DNAH8: variants seen among roughly 807,000 people sequenced by gnomAD.
The protein encoded by DNAH8 is axonemal beta dynein heavy chain 8.
A neutral mutation model predicts 562.1 loss-of-function variants in DNAH8; 382 were observed. The ratio of observed to expected loss-of-function variants is 0.68; its 90% CI spans 0.63 to 0.74. The LOEUF is 0.74. Ranked by LOEUF, DNAH8 falls within the 30% of genes least tolerant of loss-of-function variation. DNAH8 has a pLI of 0.00. For missense variants in DNAH8, 5,203 were observed against 5,620.4 expected (o/e 0.93, Z 2.37); for synonymous variants, 1,881 against 1,919.4 (o/e 0.98, Z 0.52).
chr6:38,925,956 G>A lies in DNAH8; in HGVS notation c.10963-99G>A, dbSNP rs77534826. ...TTGCATAGTCTCAAAGGAAAATAATGTCCACATTTTAAATTATTTTACTTT... is the reference window on the plus strand; with the variant it reads ...TTGCATAGTCTCAAAGGAAAATAATATCCACATTTTAAATTATTTTACTTT... On this transcript the variant is annotated intron_variant, in intron 73 of 92. Transcript: ENST00000327475. 0.063 allele frequency: 71,503 copies of A among 1,143,660 alleles called. 2,497 individuals are homozygous for A. The highest frequency in any genetic ancestry group is 0.11 in the African/African-American group (6,833 of 63,980). The allele number at this position is 1,143,660 out of a possible 1,614,324, so 70.8% of individuals were successfully genotyped here. A position where few individuals can be genotyped will look rare whatever the true frequency, so the allele number is the denominator to read the frequency against.
chr6:38,770,732 C>T (rs1451398977), intron 12 of DNAH8, among the ~76,000 whole-genome samples, 173 bp downstream of exon 12: 4 of 152,046 alleles, frequency 2.6e-5, no homozygotes, highest in African/African-American at 9.7e-5. Context: ...TTTTTTCATT[C>T]CTGGTTACTG....
At chr6:39,025,859 AT>A (rs67415841) in intron 91 of DNAH8, among the ~76,000 whole-genome samples, 82,009 of 151,976 alleles carry the variant, frequency 0.54, 23,910 homozygotes, top group Non-Finnish European at 0.66. Flanking sequence ...AGTTTAGGAT[AT>A]TTTTTTCTAA....
chr6:38,774,949 G>A (rs1209611300), intron 12 of DNAH8, among the ~76,000 whole-genome samples: 1 of 152,196 alleles, frequency 6.6e-6, no homozygotes, highest in Non-Finnish European at 1.5e-5. Context: ...TTTGAAAATA[G>A]TCCTTCTGGG....
chr6:38,718,544 G>C (rs1762512427), intron 1 of DNAH8, among the ~76,000 whole-genome samples: 1 of 152,076 alleles, frequency 6.6e-6, no homozygotes, highest in South Asian at 2.1e-4. Context: ...CTCCAAAATG[G>C]CAGTGGTCAT....
intron 72 of DNAH8, chr6:38,923,590 G>A (rs1244835940): frequency 1.2e-5 from 2 of 169,572 alleles, no homozygotes; most frequent in Non-Finnish European, 2.5e-5. Flanking sequence ...GGGAATGAGA[G>A]AGGAGCAAGA....
chr6:38,914,007 C>T (rs951173101), intron 67 of DNAH8, 55 bp downstream of exon 67: 2 of 1,348,030 alleles, frequency 1.5e-6, no homozygotes, highest in Admixed American at 1.7e-5. Flanking sequence ...TATTAAAATG[C>T]ATTGTTTTAA....
In DNAH8 at chr6:38,848,712, A is replaced by G. The variant is rs1176486677; in HGVS notation, c.5110A>G (p.Ile1704Val). 3.7e-6 allele frequency: 6 copies of G among 1,612,368 alleles called. No homozygotes were observed. In the East Asian group the frequency reaches 6.7e-5, roughly 18 times the overall value. The change falls in exon 37 of 93, where the codon ATA (isoleucine) becomes GTA (valine). Residue 1704 changes from isoleucine to valine, a missense_variant. Ile to Val is a conservative substitution (Grantham distance 29, BLOSUM62 3). Coordinates refer to ENST00000327475, the MANE Select transcript of DNAH8 (RefSeq NM_001206927.2). The stretch of plus-strand genomic sequence containing the variant: ...GTATAAATTGTCCACTTCCTCAGAT[A>G]TAATTGAAGAGTGGCTCGTAGTACA... The part of the protein sequence containing the change: ...WVYKLSTSSD[I>V]IEEWLVVQNL...
At chr6:38,932,082 A>AG in intron 76 of DNAH8, 89 bp downstream of exon 76, 1 of 1,031,796 alleles carries the variant, frequency 9.7e-7, no homozygotes, top group African/African-American at 1.7e-5. Flanking sequence ...AAAAGAAAAA[A>AG]AAATTTAAAA....
At chr6:38,893,706 A>G (rs1273788453) in intron 58 of DNAH8, among the ~76,000 whole-genome samples, 2 of 152,202 alleles carry the variant, frequency 1.3e-5, no homozygotes, top group Non-Finnish European at 2.9e-5. Context: ...TGTTTTAAAT[A>G]GCACTGTGAA....
At chr6:38,989,447 G>A (rs1362429398) in intron 87 of DNAH8, among the ~76,000 whole-genome samples, 1 of 152,186 alleles carries the variant, frequency 6.6e-6, no homozygotes, top group Non-Finnish European at 1.5e-5. Context: ...AAACAGCAAG[G>A]CAGCTGAATA....
At position 38,766,297 on chromosome 6, in the gene DNAH8, T is replaced by C. The variant is rs962323043; in HGVS notation, c.1618-4116T>C. On this transcript the variant is annotated intron_variant, in intron 11 of 92. Transcript: ENST00000327475. ...CAGGCACAAAGACAAATACTGCCTTTTTTCACCTCTATGTGGAATCTAAAA... is the reference window on the plus strand; with the variant it reads ...CAGGCACAAAGACAAATACTGCCTTCTTTCACCTCTATGTGGAATCTAAAA... Among the ~76,000 whole-genome samples, 9 of 152,124 alleles carry C rather than the reference T, an allele frequency of 5.9e-5. 1 individual carries two copies. The highest frequency in any genetic ancestry group is 1.3e-4 in the Non-Finnish European group (9 of 68,038).
chr6:38,784,215 A>G (rs1768926156), intron 17 of DNAH8, among the ~76,000 whole-genome samples: 2 of 152,182 alleles, frequency 1.3e-5, no homozygotes, highest in Admixed American at 6.5e-5. Flanking sequence ...ACTCTAAAGA[A>G]AGCCTGTTTA....
At chr6:38,914,860 A>G (rs9296266) in intron 67 of DNAH8, among the ~76,000 whole-genome samples, 76,250 of 151,990 alleles carry the variant, frequency 0.5, 20,362 homozygotes, top group African/African-American at 0.69. Flanking sequence ...GTTATTATAC[A>G]AGGCTTAAAA....
rs766171890 is a variant in DNAH8 at position 38,857,711 on chromosome 6, A to C, written c.5927A>C (p.His1976Pro). ...RVKFETLITIHVHQRDIFDDL... is the reference protein window; with the variant it reads ...RVKFETLITIPVHQRDIFDDL... ...AAGTTCGAGACTCTAATTACCATCC[A>C]TGTGCATCAGAGAGATATTTTTGAT... Residue 1976 changes from histidine (H) to proline (P), a missense_variant, in exon 42 of 93, where the codon CAT becomes CCT. Physicochemically the swap from His to Pro is moderately conservative, Grantham distance 77 (BLOSUM62 -2). Coordinates refer to ENST00000327475, the MANE Select transcript of DNAH8 (RefSeq NM_001206927.2). 3 of 1,612,632 alleles carry C rather than the reference A, an allele frequency of 1.9e-6. No individual in the cohort carries two copies. Among genetic ancestry groups the C allele is most frequent in the Non-Finnish European group, 2.5e-6 (3 of 1,178,902 alleles).
chr6:38,822,760 G>T lies in DNAH8; in HGVS notation c.3524-78G>T. On this transcript the variant is annotated intron_variant, in intron 26 of 92. Transcript: ENST00000327475. Reference sequence around the variant, plus strand: ...CTTTAAGAAAATACAGTTTGAAAAAGAATCACAAATATTAAAACTGATAAT... The same window carrying T: ...CTTTAAGAAAATACAGTTTGAAAAATAATCACAAATATTAAAACTGATAAT... The T allele has an allele frequency of 5.5e-6, 6 of 1,098,056 alleles. No individual in the cohort carries two copies. The East Asian group carries it at 8.4e-5, about 15-fold the overall frequency. The allele number at this position is 1,098,056 out of a possible 1,614,324, so 68.0% of individuals were successfully genotyped here.
chr6:38,876,940 A>T (rs4711558), intron 53 of DNAH8, among the ~76,000 whole-genome samples: 65,935 of 152,034 alleles, frequency 0.43, 15,230 homozygotes, highest in East Asian at 0.84. Flanking sequence ...TTAACCAGAA[A>T]GGCCAATAAT....
At chr6:38,981,624 A>G (rs1466745486) in intron 85 of DNAH8, among the ~76,000 whole-genome samples, 2 of 152,250 alleles carry the variant, frequency 1.3e-5, no homozygotes, top group Non-Finnish European at 2.9e-5. Context: ...AGTGCTCTTG[A>G]GAGAGGTTTA....
intron 39 of DNAH8, among the ~76,000 whole-genome samples, chr6:38,852,255 G>A (rs895282898): frequency 6.6e-6 from 1 of 152,136 alleles, no homozygotes; most frequent in Non-Finnish European, 1.5e-5. Flanking sequence ...TTCTGGTCTG[G>A]GGATCTGGGA....
intron 81 of DNAH8, 72 bp from the exon 82 acceptor site, chr6:38,951,246 T>C (rs1467882962): frequency 1.5e-6 from 2 of 1,332,088 alleles, no homozygotes. Context: ...TAAATGTATG[T>C]TTTTACTTAC....
Sources: allele counts gnomAD v4.1 joint callset (sites outside exome capture counted in the v4.1 genomes callset), GRCh38; gene constraint gnomAD v4.1.1; transcripts MANE v1.5; gene names NCBI Gene and HGNC (gene_info 2026-07-23, HGNC 2026-07-21).